Variants in SNAP91 observed in about 807,000 individuals in gnomAD.
SNAP91 encodes clathrin coat assembly protein AP180.
SNAP91 carries 27 observed loss-of-function variants against 100.3 expected under a neutral mutation model. The observed-to-expected ratio is 0.27, with a 90% CI of 0.20 to 0.37. SNAP91 has a LOEUF of 0.37. Ranked by LOEUF, SNAP91 falls within the 10% of genes least tolerant of loss-of-function variation. The pLI is 1.00. For missense variants in SNAP91, 986 were observed against 1,123.7 expected (o/e 0.88, Z 1.75); for synonymous variants, 404 against 398.6 (o/e 1.01, Z -0.16).
At chr6:83,628,359 C>T (rs1302837355) in intron 8 of SNAP91, among the ~76,000 whole-genome samples, 3 of 150,946 alleles carry the variant, frequency 2.0e-5, no homozygotes, top group Non-Finnish European at 3.0e-5. Flanking sequence ...CTTCTTTTCC[C>T]CTGGGTAGAT....
At position 83,554,246 on chromosome 6, in the gene SNAP91, C is replaced by A; in HGVS notation, c.*50G>T. Reference sequence around the variant, plus strand: ...CAGCATCAATCTTATTTGAAGTCTCCAAACTCATTTATTTTCCTATTCAGT... The same window carrying A: ...CAGCATCAATCTTATTTGAAGTCTCAAAACTCATTTATTTTCCTATTCAGT... On this transcript the variant is annotated 3_prime_UTR_variant, in exon 30 of 30. Coordinates refer to ENST00000369694, the MANE Select transcript of SNAP91 (RefSeq NM_001242792.2). 1 of 289,824 alleles carries A rather than the reference C, an allele frequency of 3.5e-6. No individual in the cohort carries two copies. Among genetic ancestry groups the A allele is most frequent in the South Asian group, 3.0e-5 (1 of 33,206 alleles). The allele number at this position is 289,824 out of a possible 1,614,324, so 18.0% of individuals were successfully genotyped here. A position where few individuals can be genotyped will look rare whatever the true frequency, so the allele number is the denominator to read the frequency against.
At chr6:83,613,702 A>G (rs146990686) in intron 11 of SNAP91, among the ~76,000 whole-genome samples, 4 of 152,312 alleles carry the variant, frequency 2.6e-5, no homozygotes, top group Non-Finnish European at 4.4e-5. Flanking sequence ...AAACACAGAT[A>G]AACTTGGCAC....
chr6:83,599,787 T>A (rs1316987130), intron 16 of SNAP91, among the ~76,000 whole-genome samples: 2 of 152,152 alleles, frequency 1.3e-5, no homozygotes, highest in Non-Finnish European at 2.9e-5. Context: ...TGGCTCTTTT[T>A]AATTTAATTT....
chr6:83,707,934 T>G lies in SNAP91; in HGVS notation c.-7A>C. 6.3e-7 allele frequency: 1 copy of G among 1,575,862 alleles called. No individual in the cohort carries two copies. Among genetic ancestry groups the G allele is most frequent in the South Asian group, 1.2e-5 (1 of 84,492 alleles). On this transcript the variant is annotated 5_prime_UTR_variant, in exon 2 of 30. Transcript: ENST00000369694. ...TGAGCGTTTGGCCCGACATCTTCTG[T>G]GGTCGCGTCTACCGCCTCCTCTTCT...
At chr6:83,623,211 T>A (rs1451084452) in intron 9 of SNAP91, 90 bp downstream of exon 9, 5 of 1,030,418 alleles carry the variant, frequency 4.9e-6, no homozygotes, top group Non-Finnish European at 7.3e-6. Context: ...TCAAAATGCA[T>A]GAAATGCTTA....
intron 9 of SNAP91, among the ~76,000 whole-genome samples, chr6:83,619,824 C>T (rs1453538981): frequency 6.6e-6 from 1 of 152,030 alleles, no homozygotes; most frequent in Non-Finnish European, 1.5e-5. Flanking sequence ...TGAGCCCAGG[C>T]TCCAAAAGAA....
chr6:83,617,175 C>A (rs1352342310), intron 9 of SNAP91, 136 bp from the exon 10 acceptor site: 4 of 517,104 alleles, frequency 7.7e-6, no homozygotes, highest in Non-Finnish European at 1.3e-5. Context: ...ATTGCAGGTT[C>A]TTTTAGTATT....
At chr6:83,587,202 T>G (rs1159190986) in intron 22 of SNAP91, among the ~76,000 whole-genome samples, 1 of 152,134 alleles carries the variant, frequency 6.6e-6, no homozygotes, top group African/African-American at 2.4e-5. Flanking sequence ...AAAATTTAAT[T>G]ATATCATATA....
At chr6:83,597,414 T>C (rs2094595994) in intron 16 of SNAP91, among the ~76,000 whole-genome samples, 1 of 152,228 alleles carries the variant, frequency 6.6e-6, no homozygotes, top group Admixed American at 6.5e-5. Flanking sequence ...GCATTATCTT[T>C]CCAGTATTGC....
At chr6:83,591,523 G>A (rs1031640691) in intron 21 of SNAP91, among the ~76,000 whole-genome samples, 1 of 151,986 alleles carries the variant, frequency 6.6e-6, no homozygotes, top group African/African-American at 2.4e-5. Context: ...AAGATTAAGG[G>A]AATTCTTTTT....
intron 26 of SNAP91, among the ~76,000 whole-genome samples, chr6:83,570,683 T>C (rs900303206): frequency 6.6e-6 from 1 of 152,148 alleles, no homozygotes; most frequent in African/African-American, 2.4e-5. Context: ...GCTTGGGCTG[T>C]TGCTTCAGAG....
intron 8 of SNAP91, among the ~76,000 whole-genome samples, chr6:83,624,707 T>G (rs1245115006): frequency 2.0e-5 from 3 of 151,926 alleles, no homozygotes. Context: ...CTCTCCAGTG[T>G]GATAACAAAA....
At chr6:83,699,783 C>G (rs193167107) in intron 2 of SNAP91, among the ~76,000 whole-genome samples, 4 of 152,196 alleles carry the variant, frequency 2.6e-5, no homozygotes, top group East Asian at 3.9e-4. Context: ...GAATGCAGCC[C>G]CCGTCAAACA....
chr6:83,577,502 T>G lies in SNAP91; in HGVS notation c.2300-1449A>C, dbSNP rs927232169. ...AGAAAGCAGAAGTGTACCTTACATA[T>G]GTATACATGAATCCCTTGTCAAATT... is the stretch of plus-strand genomic sequence containing the variant. On this transcript the variant is annotated intron_variant, in intron 24 of 29. Coordinates refer to ENST00000369694, the MANE Select transcript of SNAP91 (RefSeq NM_001242792.2). Among the ~76,000 whole-genome samples the G allele has an allele frequency of 5.3e-5, 8 of 152,164 alleles. No individual in the cohort carries two copies. In the South Asian group the frequency reaches 1.7e-3, roughly 32 times the overall value.
At chr6:83,621,416 T>G (rs1193525838) in intron 9 of SNAP91, among the ~76,000 whole-genome samples, 1 of 152,162 alleles carries the variant, frequency 6.6e-6, no homozygotes, top group Non-Finnish European at 1.5e-5. Context: ...TGCTAATAGA[T>G]TCTAATGAAT....
At chr6:83,593,822 C>T in intron 17 of SNAP91, 81 bp from the exon 18 acceptor site, 13 of 1,495,390 alleles carry the variant, frequency 8.7e-6, no homozygotes, top group Non-Finnish European at 1.2e-5. Flanking sequence ...TGGCAAGAGA[C>T]ACCTTATACA....
chr6:83,565,541 C>T (rs4706183), intron 26 of SNAP91, among the ~76,000 whole-genome samples: 4,829 of 152,228 alleles, frequency 0.032, 350 homozygotes, highest in East Asian at 0.17. Context: ...GTGCTAATAA[C>T]TTCTGTTTGT....
rs2128277957 is a variant in SNAP91, at chr6:83,605,785, A to G, written c.1041T>C (p.Ser347=). Residue 347 remains serine (S), a synonymous_variant, in exon 14 of 30, where the codon AGT becomes AGC. Transcript: ENST00000369694. ...AVPVSTSKPS[S]DLLDLQPDFS... ...AGTCTGGCTGGAGGTCCAGGAGATC[A>G]CTAGATGGTTTAGAAGTGCTGAAAG... 1 of 1,552,274 alleles carries G rather than the reference A, an allele frequency of 6.4e-7. No individual in the cohort carries two copies. The highest frequency in any genetic ancestry group is 2.4e-5 in the East Asian group (1 of 41,020).
chr6:83,657,070 G>A (rs1482201279), intron 6 of SNAP91, among the ~76,000 whole-genome samples: 3 of 152,042 alleles, frequency 2.0e-5, no homozygotes, highest in African/African-American at 4.8e-5. Flanking sequence ...TAGTCTTATC[G>A]ATTAAAAGAC....
Sources: gnomAD v4.1 joint callset for allele counts (sites outside exome capture counted in the v4.1 genomes callset) on GRCh38, gnomAD v4.1.1 for gene constraint, MANE v1.5 for transcripts, NCBI Gene and HGNC (gene_info 2026-07-23, HGNC 2026-07-21) for gene names.